ARMC2: variants seen among roughly 807,000 people sequenced by gnomAD.
ARMC2 encodes armadillo repeat-containing protein 2.
ARMC2 carries 67 observed loss-of-function variants against 90.3 expected under a neutral mutation model. The observed-to-expected ratio is 0.74, with a 90% CI of 0.61 to 0.91. ARMC2 has a LOEUF of 0.91. Among genes scored for constraint, ARMC2 ranks in the 40% least tolerant of loss-of-function variants. ARMC2 has a pLI of 0.00. For missense variants in ARMC2, 920 were observed against 1,030.9 expected (o/e 0.89, Z 1.47); for synonymous variants, 393 against 393.0 (o/e 1.00, Z 0.00).
intron 13 of ARMC2, among the ~76,000 whole-genome samples, chr6:108,957,583 G>GC (rs1777690103): frequency 6.6e-6 from 1 of 152,080 alleles, no homozygotes; most frequent in Non-Finnish European, 1.5e-5. Context: ...CTGTGGCATG[G>GC]CCCCCTTCCC....
At chr6:108,974,628 A>G (rs139491619), downstream of ARMC2, among the ~76,000 whole-genome samples, 3 of 152,294 alleles carry the variant, frequency 2.0e-5, no homozygotes, top group Admixed American at 6.5e-5. Context: ...AGCCTGGGCA[A>G]CAAAGTGAGA....
chr6:108,932,220 T>A (rs944912445), intron 11 of ARMC2, among the ~76,000 whole-genome samples: 9 of 151,998 alleles, frequency 5.9e-5, no homozygotes, highest in Non-Finnish European at 1.2e-4. Context: ...TTTCTTTTGC[T>A]GTGTAGAGCT....
At chr6:109,007,187 A>C in the ARMC2 span, among the ~76,000 whole-genome samples, 1 of 152,192 alleles carries the variant, frequency 6.6e-6, no homozygotes, top group Non-Finnish European at 1.5e-5. Context: ...TCAGAGTGAA[A>C]ATTCGTAGTG....
chr6:108,965,922 G>C (rs566973026), intron 17 of ARMC2, among the ~76,000 whole-genome samples: 4 of 150,866 alleles, frequency 2.7e-5, no homozygotes, highest in African/African-American at 9.8e-5. Context: ...CAAAGTGCTG[G>C]GATTACTGGT....
chr6:109,047,797 C>CG, the ARMC2 span, among the ~76,000 whole-genome samples: 1 of 144,274 alleles, frequency 6.9e-6, no homozygotes, highest in African/African-American at 2.5e-5. Flanking sequence ...GACCTTACCC[C>CG]CAACCCTGTG....
the ARMC2 span, among the ~76,000 whole-genome samples, chr6:109,046,779 C>T: frequency 3.4e-4 from 46 of 135,128 alleles, 1 homozygote; most frequent in East Asian, 9.8e-3. Flanking sequence ...GCCGAGACCC[C>T]GTCTGGGAGG....
chr6:108,874,235 T>G (rs1242616148), intron 4 of ARMC2, among the ~76,000 whole-genome samples: 1 of 152,098 alleles, frequency 6.6e-6, no homozygotes, highest in Non-Finnish European at 1.5e-5. Context: ...CTTACTCCAG[T>G]AGATTTGAAG....
chr6:108,901,872 G>A (rs1283685590), intron 7 of ARMC2, among the ~76,000 whole-genome samples: 4 of 152,154 alleles, frequency 2.6e-5, no homozygotes, highest in Admixed American at 6.5e-5. Context: ...CATTTGTCAC[G>A]TCTCTTTCGT....
chr6:108,964,002 G>A (rs1227865667), intron 15 of ARMC2, among the ~76,000 whole-genome samples, 178 bp from the exon 16 acceptor site: 1 of 152,176 alleles, frequency 6.6e-6, no homozygotes, highest in African/African-American at 2.4e-5. Flanking sequence ...GGGAGTGGTG[G>A]GTATTGGGGA....
At chr6:109,006,677 A>G in the ARMC2 span, among the ~76,000 whole-genome samples, 1 of 152,096 alleles carries the variant, frequency 6.6e-6, no homozygotes, top group African/African-American at 2.4e-5. Context: ...TACCACTGTT[A>G]TTATACAGTA....
At chr6:108,896,092 T>G (rs956923405) in intron 6 of ARMC2, among the ~76,000 whole-genome samples, 1 of 152,184 alleles carries the variant, frequency 6.6e-6, no homozygotes, top group African/African-American at 2.4e-5. Flanking sequence ...CATTGGGAAT[T>G]TCTTTACTCA....
chr6:108,948,251 G>A (rs1158645337), intron 12 of ARMC2, among the ~76,000 whole-genome samples: 1 of 152,096 alleles, frequency 6.6e-6, no homozygotes, highest in East Asian at 1.9e-4. Context: ...GGCCACCCAT[G>A]GTGAGGAGAG....
intron 12 of ARMC2, among the ~76,000 whole-genome samples, chr6:108,950,297 C>A (rs762837889): frequency 5.3e-5 from 8 of 152,180 alleles, no homozygotes; most frequent in Non-Finnish European, 1.0e-4. Context: ...ATAAATAAAT[C>A]ATTCTATCAT....
chr6:108,904,523 GA>G (rs1029281428), intron 8 of ARMC2, 118 bp downstream of exon 8: 6 of 1,038,644 alleles, frequency 5.8e-6, no homozygotes, highest in Admixed American at 3.8e-5. Flanking sequence ...TAGAATCTTG[GA>G]AAAAAATTAA....
chr6:108,997,423 C>G, the ARMC2 span, among the ~76,000 whole-genome samples: 2 of 152,154 alleles, frequency 1.3e-5, no homozygotes, highest in Non-Finnish European at 2.9e-5. Context: ...TAACATGAAT[C>G]TAGGCAGCTC....
intron 13 of ARMC2, among the ~76,000 whole-genome samples, chr6:108,960,230 T>A (rs894205188): frequency 1.8e-4 from 27 of 152,138 alleles, no homozygotes; most frequent in Admixed American, 4.6e-4. Context: ...CCCGGGTGAT[T>A]CCTCTCCCTC....
intron 3 of ARMC2, 34 bp downstream of exon 3, chr6:108,858,305 T>C: frequency 6.5e-7 from 1 of 1,534,870 alleles, no homozygotes; most frequent in Non-Finnish European, 8.9e-7. Context: ...GTAATTTATA[T>C]TATGTTGTGA....
At chr6:108,870,505 GAGAA>G (rs909893323) in intron 4 of ARMC2, among the ~76,000 whole-genome samples, 9 of 150,134 alleles carry the variant, frequency 6.0e-5, no homozygotes, top group African/African-American at 1.7e-4. Flanking sequence ...GAAAGAGAGA[GAGAA>G]AGAGAGAGAC....
chr6:108,952,713 G>C (rs918341507), intron 12 of ARMC2, among the ~76,000 whole-genome samples: 1 of 152,218 alleles, frequency 6.6e-6, no homozygotes, highest in Non-Finnish European at 1.5e-5. Flanking sequence ...CTCATTTTTA[G>C]TAATGCTGTC....
Sources: allele counts gnomAD v4.1 joint callset (sites outside exome capture counted in the v4.1 genomes callset), GRCh38; gene constraint gnomAD v4.1.1; transcripts MANE v1.5; gene names NCBI Gene and HGNC (gene_info 2026-07-23, HGNC 2026-07-21).